Variants in GRM8 observed in about 807,000 individuals in gnomAD.
The protein encoded by GRM8 is metabotropic glutamate receptor 8.
Under a neutral mutation model 87.2 loss-of-function variants are expected in GRM8, and 47 were observed. The observed-to-expected ratio is 0.54, with a 90% CI of 0.43 to 0.69. GRM8 has a LOEUF of 0.69. GRM8 is among the 30% of genes least tolerant of loss of function. The pLI is 0.00. For synonymous variants in GRM8, 396 were observed against 404.5 expected (o/e 0.98, Z 0.25); for missense variants, 1,019 against 1,139.2 (o/e 0.89, Z 1.52).
At chr7:126,959,121 A>C (rs1207833951) in intron 3 of GRM8, among the ~76,000 whole-genome samples, 1 of 152,062 alleles carries the variant, frequency 6.6e-6, no homozygotes, top group Non-Finnish European at 1.5e-5. Flanking sequence ...ACTTTGAAGC[A>C]GAGAGTGAAG....
At chr7:126,576,733 T>C (rs1795148917) in intron 8 of GRM8, among the ~76,000 whole-genome samples, 1 of 152,198 alleles carries the variant, frequency 6.6e-6, no homozygotes, top group Non-Finnish European at 1.5e-5. Flanking sequence ...TTTCTATTCC[T>C]TAAAATGTCA....
chr7:126,695,291 A>G (rs1259483419), intron 7 of GRM8, among the ~76,000 whole-genome samples: 1 of 152,214 alleles, frequency 6.6e-6, no homozygotes, highest in Non-Finnish European at 1.5e-5. Context: ...TATCATTTGG[A>G]AATACCTACT....
chr7:126,930,461 G>C (rs1805647796), intron 3 of GRM8, among the ~76,000 whole-genome samples: 1 of 152,178 alleles, frequency 6.6e-6, no homozygotes, highest in African/African-American at 2.4e-5. Context: ...CTCTGGTCTT[G>C]CCGAGTCCTC....
At chr7:127,143,746 A>T (rs969604771) in intron 2 of GRM8, among the ~76,000 whole-genome samples, 5 of 152,140 alleles carry the variant, frequency 3.3e-5, no homozygotes, top group African/African-American at 1.2e-4. Context: ...AAAATTAAAA[A>T]TTATTCTCAG....
chr7:127,115,128 C>T (rs777933345), intron 2 of GRM8, among the ~76,000 whole-genome samples: 3 of 152,180 alleles, frequency 2.0e-5, no homozygotes, highest in Non-Finnish European at 4.4e-5. Context: ...CCCTCATACA[C>T]ACCTCCTGCT....
intron 6 of GRM8, among the ~76,000 whole-genome samples, chr7:126,781,715 T>G (rs1820098593): frequency 6.6e-6 from 1 of 152,140 alleles, no homozygotes; most frequent in African/African-American, 2.4e-5. Flanking sequence ...AAAATTTTAT[T>G]TATTTATTTG....
intron 2 of GRM8, among the ~76,000 whole-genome samples, chr7:127,224,607 A>C (rs1449158867): frequency 2.0e-5 from 3 of 152,206 alleles, no homozygotes; most frequent in African/African-American, 7.2e-5. Context: ...AGGAAGAAAA[A>C]AACATGGCAA....
At chr7:126,599,322 T>C (rs555166546) in intron 8 of GRM8, among the ~76,000 whole-genome samples, 1 of 152,248 alleles carries the variant, frequency 6.6e-6, no homozygotes, top group African/African-American at 2.4e-5. Flanking sequence ...GAGTTTGTCC[T>C]TGATTACCTT....
chr7:126,519,576 A>C (rs2150783234), intron 9 of GRM8, among the ~76,000 whole-genome samples: 1 of 152,218 alleles, frequency 6.6e-6, no homozygotes, highest in South Asian at 2.1e-4. Flanking sequence ...TCTGGCTCAA[A>C]CAGTGCTGTT....
chr7:126,773,480 C>T (rs1819073104), intron 6 of GRM8, among the ~76,000 whole-genome samples: 1 of 152,116 alleles, frequency 6.6e-6, no homozygotes, highest in South Asian at 2.1e-4. Flanking sequence ...TTCAAACTTA[C>T]TCTATCCTAA....
At chr7:126,763,738 C>T (rs1377271750) in intron 7 of GRM8, among the ~76,000 whole-genome samples, 1 of 151,482 alleles carries the variant, frequency 6.6e-6, no homozygotes, top group East Asian at 1.9e-4. Context: ...TATTTTTGCT[C>T]ATTTACTCTC....
At chr7:126,547,208 A>G (rs559575026) in intron 8 of GRM8, among the ~76,000 whole-genome samples, 12 of 152,312 alleles carry the variant, frequency 7.9e-5, no homozygotes, top group African/African-American at 2.9e-4. Context: ...GCACCCTTAC[A>G]TATAAATGGA....
chr7:126,626,881 C>T (rs921972646), intron 7 of GRM8, among the ~76,000 whole-genome samples: 1 of 151,968 alleles, frequency 6.6e-6, no homozygotes, highest in Non-Finnish European at 1.5e-5. Flanking sequence ...AATGTAGAAC[C>T]GTCTTAATAA....
At chr7:126,529,271 T>C (rs1205672809) in intron 9 of GRM8, among the ~76,000 whole-genome samples, 1 of 152,216 alleles carries the variant, frequency 6.6e-6, no homozygotes, top group Non-Finnish European at 1.5e-5. Flanking sequence ...AAATCACAAA[T>C]ACGCATTTAT....
intron 6 of GRM8, among the ~76,000 whole-genome samples, chr7:126,794,342 G>A (rs974665378): frequency 3.3e-5 from 5 of 152,086 alleles, no homozygotes; most frequent in Non-Finnish European, 7.4e-5. Flanking sequence ...CCCAGGTTTA[G>A]TGTCTCCAAA....
intron 9 of GRM8, among the ~76,000 whole-genome samples, chr7:126,516,513 GC>G (rs1195966574): frequency 6.6e-6 from 1 of 151,940 alleles, no homozygotes; most frequent in Non-Finnish European, 1.5e-5. Context: ...TAAATATTTG[GC>G]CAACAGAAAT....
intron 3 of GRM8, among the ~76,000 whole-genome samples, chr7:126,999,531 A>T (rs773981101): frequency 6.6e-6 from 1 of 151,842 alleles, no homozygotes; most frequent in Non-Finnish European, 1.5e-5. Context: ...AGTAGCTATA[A>T]AAACTCTATA....
At chr7:126,693,462 C>G (rs1452507273) in intron 7 of GRM8, among the ~76,000 whole-genome samples, 2 of 152,170 alleles carry the variant, frequency 1.3e-5, no homozygotes, top group Non-Finnish European at 2.9e-5. Flanking sequence ...CAATACATTA[C>G]AGCATGTAGG....
chr7:127,158,733 A>T (rs1001931776), intron 2 of GRM8, among the ~76,000 whole-genome samples: 1 of 152,058 alleles, frequency 6.6e-6, no homozygotes, highest in Non-Finnish European at 1.5e-5. Flanking sequence ...ATACTATTTC[A>T]TCAGGTATTA....
Sources: gnomAD v4.1 joint callset for allele counts (sites outside exome capture counted in the v4.1 genomes callset) on GRCh38, gnomAD v4.1.1 for gene constraint, MANE v1.5 for transcripts, NCBI Gene and HGNC (gene_info 2026-07-23, HGNC 2026-07-21) for gene names.